HEATR1: variants seen among roughly 807,000 people sequenced by gnomAD.
The protein encoded by HEATR1 is HEAT repeat containing 1, also known as HEAT repeat-containing protein 1.
A neutral mutation model predicts 248.2 loss-of-function variants in HEATR1; 77 were observed. That is an observed-to-expected ratio of 0.31 (90% CI 0.26 to 0.37). HEATR1 has a LOEUF of 0.37. Among genes scored for constraint, HEATR1 ranks in the 10% least tolerant of loss-of-function variants. The probability of loss-of-function intolerance (pLI) is 1.00; values close to 1 mark genes in which losing one functional copy is unlikely to be tolerated. For missense variants in HEATR1, 2,420 were observed against 2,504.9 expected (o/e 0.97, Z 0.72); for synonymous variants, 897 against 923.1 (o/e 0.97, Z 0.51).
chr1:236,554,688 C>T lies in HEATR1; in HGVS notation c.5988G>A (p.Leu1996=). The change falls in exon 42 of 45, where the codon TTG becomes TTA. Residue 1996 remains leucine, a synonymous_variant. Coordinates refer to ENST00000366582, the MANE Select transcript of HEATR1 (RefSeq NM_018072.6). ...AAAGGAAGATTTTGTATAAACAGTTCAAAATAAACTGCAACAGCAAGCAGC... is the reference window on the plus strand; with the variant it reads ...AAAGGAAGATTTTGTATAAACAGTTTAAAATAAACTGCAACAGCAAGCAGC... The part of the protein sequence containing the change: ...EKCCLLLQFI[L]NCLYKIFLFD... 1 of 1,613,136 alleles carries T rather than the reference C, an allele frequency of 6.2e-7. No individual in the cohort carries two copies. Among genetic ancestry groups the T allele is most frequent in the Non-Finnish European group, 8.5e-7 (1 of 1,179,650 alleles).
intron 30 of HEATR1, among the ~76,000 whole-genome samples, chr1:236,566,388 T>C (rs149083773): frequency 4.6e-5 from 7 of 151,660 alleles, no homozygotes; most frequent in East Asian, 3.9e-4. Flanking sequence ...AGAGAACCAC[T>C]TGCGTGGCAC....
At chr1:236,572,863 A>G in intron 24 of HEATR1, 35 bp from the exon 25 acceptor site, 1 of 1,540,932 alleles carries the variant, frequency 6.5e-7, no homozygotes, top group East Asian at 2.2e-5. Flanking sequence ...TGATGATATA[A>G]TCCATTGGGA....
intron 36 of HEATR1, 49 bp downstream of exon 36, chr1:236,558,188 A>G (rs1663026872): frequency 1.3e-6 from 2 of 1,530,358 alleles, no homozygotes; most frequent in Non-Finnish European, 1.8e-6. Flanking sequence ...TTATTTTTCA[A>G]TGTGTGCCAG....
rs773124382 is a variant in HEATR1, at chr1:236,559,022, C to T, written c.4884G>A (p.Gln1628=). The T allele has an allele frequency of 3.7e-6, 6 of 1,611,234 alleles. 1 individual carries two copies. The South Asian group carries it at 6.6e-5, about 18-fold the overall frequency. Reference sequence around the variant, plus strand: ...TTGTCTTCTTCCAGGATATATTTTGCTGCAGCTTGTTATTCAAAAGGTCCA... The same window carrying T: ...TTGTCTTCTTCCAGGATATATTTTGTTGCAGCTTGTTATTCAAAAGGTCCA... The part of the protein sequence containing the change: ...KALDLLNNKL[Q]QNISWKKTIV... The change falls in exon 35 of 45, where the codon CAG becomes CAA. Residue 1628 remains glutamine (Q), a synonymous_variant. Coordinates refer to ENST00000366582, the MANE Select transcript of HEATR1 (RefSeq NM_018072.6).
intron 4 of HEATR1, among the ~76,000 whole-genome samples, chr1:236,598,909 T>A (rs1371009711): frequency 1.3e-5 from 2 of 152,216 alleles, no homozygotes; most frequent in Admixed American, 6.5e-5. Context: ...CAGTTGGTTT[T>A]CCTACAATAG....
At chr1:236,577,928 G>A (rs1663608037) in intron 20 of HEATR1, among the ~76,000 whole-genome samples, 1 of 152,146 alleles carries the variant, frequency 6.6e-6, no homozygotes, top group South Asian at 2.1e-4. Flanking sequence ...ATACAGCCTT[G>A]TACAAGCGTG....
intron 33 of HEATR1, 54 bp downstream of exon 33, chr1:236,561,171 T>C (rs1338027606): frequency 7.2e-6 from 9 of 1,255,754 alleles, no homozygotes; most frequent in Non-Finnish European, 1.0e-5. Flanking sequence ...CCAGGTTTTC[T>C]ATAAGTTTGA....
Position 236,585,819 on chromosome 1 carries a change from C to G in HEATR1, c.2049+1G>C. The G allele has an allele frequency of 6.2e-7, 1 of 1,611,698 alleles. No homozygotes were observed. Among genetic ancestry groups the G allele is most frequent in the South Asian group, 1.1e-5 (1 of 90,758 alleles). Reference sequence around the variant, plus strand: ...GGGGTGGACTTTCAAAGCATACTTACCATCTTTAACATTGAAGAAGGATCT... The same window carrying G: ...GGGGTGGACTTTCAAAGCATACTTAGCATCTTTAACATTGAAGAAGGATCT... On this transcript the variant is annotated splice_donor_variant, in intron 16 of 44. Transcript: ENST00000366582. LOFTEE classifies it high-confidence loss of function.
At chr1:236,562,114 T>C (rs1470863969) in intron 32 of HEATR1, among the ~76,000 whole-genome samples, 2 of 152,232 alleles carry the variant, frequency 1.3e-5, no homozygotes, top group Admixed American at 6.5e-5. Context: ...TTTGCCAATT[T>C]GATGGGTATC....
chr1:236,554,995 C>T (rs919672735), intron 41 of HEATR1, among the ~76,000 whole-genome samples: 1 of 152,206 alleles, frequency 6.6e-6, no homozygotes, highest in Non-Finnish European at 1.5e-5. Context: ...AAGTGGGTCA[C>T]GTATTAGCAT....
chr1:236,554,264 C>T lies in HEATR1; in HGVS notation c.6078+334G>A, dbSNP rs368686823. ...AAAATTAGCCAGGTGTGGAGGCGGGCGCCTGTGATCCCAGCTATTCGGGAG... is the reference window on the plus strand; with the variant it reads ...AAAATTAGCCAGGTGTGGAGGCGGGTGCCTGTGATCCCAGCTATTCGGGAG... On this transcript the variant is annotated intron_variant, in intron 42 of 44. Coordinates refer to ENST00000366582, the MANE Select transcript of HEATR1 (RefSeq NM_018072.6). Among the ~76,000 whole-genome samples, 29 of 152,014 alleles carry T rather than the reference C, an allele frequency of 1.9e-4. No homozygotes were observed. The East Asian group carries it at 4.1e-3, about 21-fold the overall frequency.
At chr1:236,589,655 T>A (rs1386931691) in intron 12 of HEATR1, among the ~76,000 whole-genome samples, 1 of 152,244 alleles carries the variant, frequency 6.6e-6, no homozygotes, top group African/African-American at 2.4e-5. Flanking sequence ...CTAATTGCTA[T>A]GACACAAGTT....
At chr1:236,584,867 T>C (rs1241761563) in intron 17 of HEATR1, among the ~76,000 whole-genome samples, 158 bp downstream of exon 17, 1 of 152,174 alleles carries the variant, frequency 6.6e-6, no homozygotes, top group African/African-American at 2.4e-5. Context: ...GAGTGCCTAG[T>C]TGACTATCTC....
At chr1:236,596,696 T>C (rs1664185338) in intron 6 of HEATR1, 140 bp downstream of exon 6, 7 of 793,664 alleles carry the variant, frequency 8.8e-6, no homozygotes, top group Admixed American at 8.7e-5. Flanking sequence ...AGTGTCATAT[T>C]TTCAACCTAA....
intron 28 of HEATR1, among the ~76,000 whole-genome samples, chr1:236,570,447 T>C (rs1663396587): frequency 6.6e-6 from 1 of 151,988 alleles, no homozygotes; most frequent in Non-Finnish European, 1.5e-5. Flanking sequence ...AGGGTGGTGG[T>C]CATGGTGGTG....
At chr1:236,599,137 G>T (rs1243531869) in intron 4 of HEATR1, among the ~76,000 whole-genome samples, 2 of 152,028 alleles carry the variant, frequency 1.3e-5, no homozygotes, top group Non-Finnish European at 1.5e-5. Flanking sequence ...AAACGGCATG[G>T]TACGATACAA....
intron 4 of HEATR1, 108 bp downstream of exon 4, chr1:236,599,375 A>C (rs1267037833): frequency 2.8e-6 from 2 of 718,712 alleles, no homozygotes; most frequent in Non-Finnish European, 4.3e-6. Context: ...AAAATGATGG[A>C]GGTAGTTATC....
At chr1:236,555,500 C>T in intron 40 of HEATR1, 36 bp from the exon 41 acceptor site, 2 of 1,614,060 alleles carry the variant, frequency 1.2e-6, no homozygotes, top group Non-Finnish European at 1.7e-6. Flanking sequence ...TCTTCGACAT[C>T]TTGTCACTTA....
intron 12 of HEATR1, among the ~76,000 whole-genome samples, chr1:236,589,423 T>A (rs1299248627): frequency 6.6e-6 from 1 of 152,188 alleles, no homozygotes; most frequent in African/African-American, 2.4e-5. Context: ...AAGATCTAAA[T>A]GTTGTTTGTT....
Sources: gnomAD v4.1 joint callset for allele counts (sites outside exome capture counted in the v4.1 genomes callset) on GRCh38, gnomAD v4.1.1 for gene constraint, MANE v1.5 for transcripts, NCBI Gene and HGNC (gene_info 2026-07-23, HGNC 2026-07-21) for gene names.